Variants in FMN1 observed in about 807,000 individuals in gnomAD.
The protein encoded by FMN1 is formin-1.
In FMN1, 110 loss-of-function variants were observed where a neutral mutation model predicts 132.4. That is an observed-to-expected ratio of 0.83 (90% confidence interval 0.71 to 0.97). The LOEUF is 0.97. Ranked by LOEUF, FMN1 falls within the 50% of genes least tolerant of loss-of-function variation. The pLI is 0.00. For missense variants in FMN1, 1,792 were observed against 1,705.3 expected, an observed-to-expected ratio of 1.05 and a Z score of -0.90; for synonymous variants, 722 against 651.7, an observed-to-expected ratio of 1.11 and a Z score of -1.64.
chr15:32,811,297 G>C (rs1186492419), intron 17 of FMN1, among the ~76,000 whole-genome samples: 1 of 152,170 alleles, frequency 6.6e-6, no homozygotes, highest in Non-Finnish European at 1.5e-5. Context: ...TGGTCTGTCA[G>C]AGCAAGTGTC....
At chr15:32,922,723 T>C (rs2060862506) in intron 10 of FMN1, among the ~76,000 whole-genome samples, 2 of 152,228 alleles carry the variant, frequency 1.3e-5, no homozygotes, top group Admixed American at 1.3e-4. Flanking sequence ...CATTGCCATT[T>C]GGAAAATTGG....
intron 17 of FMN1, among the ~76,000 whole-genome samples, chr15:32,848,972 C>CTTTTGT (rs2058928226): frequency 1.5e-5 from 1 of 68,628 alleles, no homozygotes; most frequent in Admixed American, 1.8e-4. Context: ...GGTTAGTTCT[C>CTTTTGT]TTTTGTTTTT....
chr15:33,148,878 A>G (rs951860912), intron 4 of FMN1, among the ~76,000 whole-genome samples: 2 of 152,032 alleles, frequency 1.3e-5, no homozygotes, highest in African/African-American at 4.8e-5. Context: ...CCTTGTAACA[A>G]TGATATATTC....
chr15:32,794,553 GAAT>G (rs1488825314), intron 19 of FMN1, among the ~76,000 whole-genome samples: 1 of 150,830 alleles, frequency 6.6e-6, no homozygotes, highest in Non-Finnish European at 1.5e-5. Flanking sequence ...CTATCACCCA[GAAT>G]AATTCAGCAG....
chr15:33,141,123 AT>A (rs1963993188), intron 4 of FMN1, among the ~76,000 whole-genome samples: 1 of 152,194 alleles, frequency 6.6e-6, no homozygotes, highest in Non-Finnish European at 1.5e-5. Context: ...GTTAAATGAT[AT>A]CATCTGTCAT....
chr15:32,872,300 C>T (rs573209189), intron 16 of FMN1, among the ~76,000 whole-genome samples: 3 of 152,280 alleles, frequency 2.0e-5, no homozygotes, highest in East Asian at 1.9e-4. Flanking sequence ...ACATATAGAG[C>T]CTATATTTTG....
intron 6 of FMN1, among the ~76,000 whole-genome samples, chr15:33,009,572 T>C (rs1164566279): frequency 1.3e-5 from 2 of 152,188 alleles, no homozygotes; most frequent in Non-Finnish European, 2.9e-5. Context: ...TTTGCTAATA[T>C]TGAAAACAAT....
At chr15:33,023,711 T>G (rs1236638525) in intron 6 of FMN1, among the ~76,000 whole-genome samples, 9 of 152,062 alleles carry the variant, frequency 5.9e-5, no homozygotes, top group Admixed American at 5.9e-4. Context: ...GACCCTGGCA[T>G]TGACACAGTG....
intron 4 of FMN1, among the ~76,000 whole-genome samples, chr15:33,116,576 A>C (rs902422066): frequency 2.6e-5 from 4 of 152,034 alleles, no homozygotes; most frequent in Non-Finnish European, 5.9e-5. Flanking sequence ...GTTTGTCGAA[A>C]GTTTTTTTTT....
At chr15:32,865,836 C>CAAAA (rs59592154) in intron 16 of FMN1, among the ~76,000 whole-genome samples, 4 of 107,132 alleles carry the variant, frequency 3.7e-5, no homozygotes, top group South Asian at 3.4e-4. Flanking sequence ...AACTCCACCT[C>CAAAA]AAAAAAAAAA....
chr15:33,036,092 T>C (rs1566851683), intron 6 of FMN1, among the ~76,000 whole-genome samples: 1 of 152,234 alleles, frequency 6.6e-6, no homozygotes, highest in South Asian at 2.1e-4. Context: ...CATAACTGCA[T>C]GGAATAAATC....
intron 17 of FMN1, among the ~76,000 whole-genome samples, chr15:32,848,698 C>T (rs527923102): frequency 4.6e-5 from 7 of 152,034 alleles, no homozygotes; most frequent in Admixed American, 2.6e-4. Flanking sequence ...ATGTGAAGTG[C>T]GAAGTACTAT....
chr15:32,969,783 C>T (rs568644099), intron 7 of FMN1, among the ~76,000 whole-genome samples: 31 of 152,270 alleles, frequency 2.0e-4, no homozygotes, highest in African/African-American at 7.5e-4. Flanking sequence ...GCATATCAAA[C>T]ACAAAACTTT....
At position 32,766,078 on chromosome 15, in the gene FMN1, C is replaced by T. The variant is rs1247238734; in HGVS notation, c.*8232G>A. The stretch of plus-strand genomic sequence containing the variant: ...ATGTCTTTAAAGGGCCTTCTCCTTT[C>T]CCCAACTGTCTTCATTACTGCCTAC... On this transcript the variant is annotated 3_prime_UTR_variant, in exon 21 of 21. Coordinates refer to ENST00000616417, the MANE Select transcript of FMN1 (RefSeq NM_001277313.2). The T allele has an allele frequency of 6.6e-6, 1 of 152,194 alleles. No homozygotes were observed. The highest frequency in any genetic ancestry group is 1.5e-5 in the Non-Finnish European group (1 of 68,038). The allele number at this position is 152,194 out of a possible 1,614,324, so 9.4% of individuals were successfully genotyped here.
intron 19 of FMN1, among the ~76,000 whole-genome samples, chr15:32,797,860 G>C (rs575359924): frequency 6.6e-6 from 1 of 151,416 alleles, no homozygotes; most frequent in South Asian, 2.1e-4. Context: ...AATATATTAT[G>C]TATATATCTT....
At chr15:33,048,644 A>AAAACAAAAACAAAAACAAAAAC (rs1555388956) in intron 6 of FMN1, among the ~76,000 whole-genome samples, 11 of 86,950 alleles carry the variant, frequency 1.3e-4, no homozygotes, top group African/African-American at 4.5e-4. Context: ...AAAAAAAAAA[A>AAAACAAAAACAAAAACAAAAAC]AAAAACCAAC....
At chr15:33,068,161 G>A (rs558736072) in intron 5 of FMN1, 49 of 482,148 alleles carry the variant, frequency 1.0e-4, no homozygotes, top group Middle Eastern at 6.6e-4. Context: ...ACGGACCAGG[G>A]AGGCTGCTCT....
At chr15:32,838,303 G>A (rs984643515) in intron 17 of FMN1, among the ~76,000 whole-genome samples, 3 of 152,078 alleles carry the variant, frequency 2.0e-5, no homozygotes, top group Non-Finnish European at 4.4e-5. Context: ...GAGAGGTGAG[G>A]CCAATGTATG....
intron 6 of FMN1, among the ~76,000 whole-genome samples, chr15:33,011,317 A>T (rs1401498012): frequency 3.9e-5 from 6 of 152,262 alleles, no homozygotes; most frequent in Non-Finnish European, 7.4e-5. Context: ...ACAAAGAATG[A>T]TCTTTTCAAT....
Sources: allele counts gnomAD v4.1 joint callset (sites outside exome capture counted in the v4.1 genomes callset), GRCh38; gene constraint gnomAD v4.1.1; transcripts MANE v1.5; gene names NCBI Gene and HGNC (gene_info 2026-07-23, HGNC 2026-07-21).